The following SLC4A10 variants were observed in gnomAD, a reference collection of about 807,000 sequenced individuals.
SLC4A10 encodes sodium-driven chloride bicarbonate exchanger.
SLC4A10 carries 42 observed loss-of-function variants against 137.7 expected under a neutral mutation model. The ratio of observed to expected loss-of-function variants is 0.30; its 90% CI spans 0.24 to 0.39. SLC4A10 has a LOEUF of 0.39. Among genes scored for constraint, SLC4A10 ranks in the 10% least tolerant of loss-of-function variants. The probability of loss-of-function intolerance (pLI) is 1.00; values close to 1 mark genes in which losing one functional copy is unlikely to be tolerated. For missense variants in SLC4A10, 925 were observed against 1,355.0 expected, an observed-to-expected ratio of 0.68 and a Z score of 4.98; for synonymous variants, 474 against 464.1, an observed-to-expected ratio of 1.02 and a Z score of -0.27.
chr2:161,856,884 C>T (rs564597342), intron 5 of SLC4A10, among the ~76,000 whole-genome samples: 46 of 152,152 alleles, frequency 3.0e-4, no homozygotes, highest in African/African-American at 1.0e-3. Context: ...TTATTTCTGC[C>T]GCTTAAATCG....
chr2:161,659,460 T>C (rs1558966096), intron 1 of SLC4A10, among the ~76,000 whole-genome samples: 1 of 152,030 alleles, frequency 6.6e-6, no homozygotes. Flanking sequence ...AGGTGATGGA[T>C]ACACTGAAAG....
chr2:161,976,770 T>C lies in SLC4A10; in HGVS notation c.3238T>C (p.Ser1080Pro), dbSNP rs776736280. Reference protein sequence around the residue: ...PLEGHYRDDPSVINISDEMSK... With the variant: ...PLEGHYRDDPPVINISDEMSK... ...GAAACTCCTGTCTAGAGATGATCCA[T>C]CTGTGATCAATATATCTGATGAAAT... Residue 1080 changes from serine to proline, a missense_variant, in exon 25 of 27, where the codon TCT (serine) becomes CCT (proline). Transcript: ENST00000446997. 6.4e-7 allele frequency: 1 copy of C among 1,574,394 alleles called. No homozygotes were observed. Among genetic ancestry groups the C allele is most frequent in the Admixed American group, 1.8e-5 (1 of 55,772 alleles).
At position 161,884,812 on chromosome 2, in the gene SLC4A10, A is replaced by C. The variant is rs879281965; in HGVS notation, c.1194+2368A>C. On this transcript the variant is annotated intron_variant, in intron 10 of 26. Transcript: ENST00000446997. ...TGTTTAAATATTTTTTAAAAGAGAA[A>C]ACAGATTTGTATTTCTCAAAGCCTC... Among the ~76,000 whole-genome samples, 5 of 152,230 alleles carry C rather than the reference A, an allele frequency of 3.3e-5. No individual in the cohort carries two copies. In the East Asian group the frequency reaches 7.7e-4, roughly 23 times the overall value.
chr2:161,943,974 T>C (rs1047206705), intron 16 of SLC4A10, among the ~76,000 whole-genome samples: 5 of 151,924 alleles, frequency 3.3e-5, no homozygotes, highest in Non-Finnish European at 5.9e-5. Context: ...TACTTACTCT[T>C]TATTTAAAAT....
At chr2:161,938,489 T>C (rs1231315326) in intron 15 of SLC4A10, among the ~76,000 whole-genome samples, 1 of 151,146 alleles carries the variant, frequency 6.6e-6, no homozygotes. Flanking sequence ...TATAGATTAT[T>C]ATTATTATAG....
chr2:161,860,388 T>C (rs1025320421), intron 5 of SLC4A10, among the ~76,000 whole-genome samples: 2 of 152,084 alleles, frequency 1.3e-5, no homozygotes, highest in Non-Finnish European at 2.9e-5. Context: ...ATATGTAGGG[T>C]TTATTATGTG....
intron 2 of SLC4A10, among the ~76,000 whole-genome samples, chr2:161,789,680 T>C (rs1199551011): frequency 6.6e-6 from 1 of 152,232 alleles, no homozygotes; most frequent in Admixed American, 6.5e-5. Flanking sequence ...AACATCATTA[T>C]GTATGACTGT....
chr2:161,917,410 T>C (rs1687307732), intron 15 of SLC4A10, among the ~76,000 whole-genome samples: 1 of 152,014 alleles, frequency 6.6e-6, no homozygotes, highest in African/African-American at 2.4e-5. Context: ...ATAGTGTAGA[T>C]AGTTAGATAG....
chr2:161,922,706 T>G (rs1183497645), intron 15 of SLC4A10, among the ~76,000 whole-genome samples: 1 of 152,208 alleles, frequency 6.6e-6, no homozygotes, highest in Non-Finnish European at 1.5e-5. Context: ...AGATACCTTT[T>G]TCTTTTTTTA....
At chr2:161,722,464 G>C (rs983101048) in intron 1 of SLC4A10, among the ~76,000 whole-genome samples, 6 of 152,176 alleles carry the variant, frequency 3.9e-5, no homozygotes, top group African/African-American at 1.2e-4. Flanking sequence ...GCTGTGGTTT[G>C]CTGGGGGTCC....
chr2:161,818,413 A>T (rs1383676138), intron 3 of SLC4A10, among the ~76,000 whole-genome samples: 1 of 152,240 alleles, frequency 6.6e-6, no homozygotes, highest in African/African-American at 2.4e-5. Flanking sequence ...ATATACAATC[A>T]TGTCATCTGC....
At chr2:161,924,006 C>T (rs1429416254) in intron 15 of SLC4A10, among the ~76,000 whole-genome samples, 13 of 152,086 alleles carry the variant, frequency 8.5e-5, no homozygotes, top group Admixed American at 7.2e-4. Context: ...TAAGCATACA[C>T]TATGCTATGC....
chr2:161,701,231 AGTTTTGAGG>A (rs2043091192), intron 1 of SLC4A10, among the ~76,000 whole-genome samples: 1 of 151,906 alleles, frequency 6.6e-6, no homozygotes, highest in African/African-American at 2.4e-5. Flanking sequence ...ATAAAGGGTG[AGTTTTGAGG>A]GTTTCTAGTT....
At chr2:161,644,989 A>G (rs533358989) in intron 1 of SLC4A10, among the ~76,000 whole-genome samples, 1 of 152,344 alleles carries the variant, frequency 6.6e-6, no homozygotes, top group East Asian at 1.9e-4. Context: ...TATACAATAA[A>G]TGATGAGGCA....
At chr2:161,818,828 C>G (rs977855522) in intron 3 of SLC4A10, among the ~76,000 whole-genome samples, 5 of 152,158 alleles carry the variant, frequency 3.3e-5, no homozygotes, top group African/African-American at 1.2e-4. Flanking sequence ...GGGATGAAGG[C>G]CACTTGATCA....
intron 15 of SLC4A10, among the ~76,000 whole-genome samples, chr2:161,925,766 G>A (rs1383606710): frequency 3.3e-5 from 5 of 151,880 alleles, no homozygotes; most frequent in East Asian, 1.9e-4. Context: ...TGTTCTCGTT[G>A]GTTTCAAAGA....
rs541615463 is a variant in SLC4A10 at position 161,890,673 on chromosome 2, CCT to C, written c.1195-4005_1195-4004del. 1.8e-3 allele frequency among the ~76,000 whole-genome samples: 267 copies of C among 152,238 alleles called. 1 individual carries two copies. The highest frequency in any genetic ancestry group is 7.2e-3 in the Admixed American group (110 of 15,288). ...TGTTCCTCTATCCCTTTATTTTGAG[CCT>C]GTGTGTGTCTTTGCATGTGAGAGGG... On this transcript the variant is annotated intron_variant, in intron 10 of 26. Transcript: ENST00000446997.
At chr2:161,651,910 G>A (rs897032889) in intron 1 of SLC4A10, among the ~76,000 whole-genome samples, 1 of 152,204 alleles carries the variant, frequency 6.6e-6, no homozygotes, top group African/African-American at 2.4e-5. Context: ...GTGGACCTGA[G>A]CAATACTCAG....
chr2:161,871,941 T>C (rs1302248690), intron 6 of SLC4A10, among the ~76,000 whole-genome samples: 1 of 152,180 alleles, frequency 6.6e-6, no homozygotes, highest in African/African-American at 2.4e-5. Context: ...AACAGATGTC[T>C]ATCTTGTCTT....
Sources: gnomAD v4.1 joint callset for allele counts (sites outside exome capture counted in the v4.1 genomes callset) on GRCh38, gnomAD v4.1.1 for gene constraint, MANE v1.5 for transcripts, NCBI Gene and HGNC (gene_info 2026-07-23, HGNC 2026-07-21) for gene names.